The following CNTNAP2 variants were observed in gnomAD, a reference collection of about 807,000 sequenced individuals.
CNTNAP2 encodes the protein contactin associated protein 2.
In CNTNAP2, 98 loss-of-function variants were observed where a neutral mutation model predicts 155.2. The observed-to-expected ratio is 0.63, with a 90% confidence interval of 0.54 to 0.75. The LOEUF (loss-of-function observed/expected upper bound fraction) is 0.75. Ranked by LOEUF, CNTNAP2 falls within the 30% of genes least tolerant of loss-of-function variation. The pLI, the probability that CNTNAP2 is intolerant of heterozygous loss-of-function variation, is 0.00. For synonymous variants in CNTNAP2, 651 were observed against 631.2 expected, an observed-to-expected ratio of 1.03 and a Z score of -0.47; for missense variants, 1,727 against 1,688.1, an observed-to-expected ratio of 1.02 and a Z score of -0.40.
chr7:147,512,035 T>C (rs2116691091), intron 11 of CNTNAP2, among the ~76,000 whole-genome samples: 1 of 152,350 alleles, frequency 6.6e-6, no homozygotes, highest in South Asian at 2.1e-4. Context: ...AGCATTACCT[T>C]GGAAGAGTCT....
intron 1 of CNTNAP2, among the ~76,000 whole-genome samples, chr7:146,232,723 T>A (rs1799406388): frequency 1.3e-5 from 2 of 152,160 alleles, no homozygotes; most frequent in African/African-American, 2.4e-5. Flanking sequence ...AAAAACTTAC[T>A]TACTCTGCAC....
intron 14 of CNTNAP2, among the ~76,000 whole-genome samples, chr7:147,965,293 C>A (rs1563151076): frequency 6.6e-6 from 1 of 152,156 alleles, no homozygotes; most frequent in Non-Finnish European, 1.5e-5. Flanking sequence ...AAATTGATTA[C>A]AGACATATGG....
intron 12 of CNTNAP2, among the ~76,000 whole-genome samples, chr7:147,588,583 T>A (rs1800677266): frequency 6.6e-6 from 1 of 152,174 alleles, no homozygotes. Flanking sequence ...ACCTGTAAAT[T>A]GCTTTTTTCT....
chr7:146,481,214 T>C (rs1322178697), intron 1 of CNTNAP2, among the ~76,000 whole-genome samples: 1 of 152,346 alleles, frequency 6.6e-6, no homozygotes, highest in East Asian at 1.9e-4. Flanking sequence ...AATTTTCATT[T>C]TTTAGTTCTT....
At chr7:147,126,140 A>G (rs1683486984) in intron 6 of CNTNAP2, among the ~76,000 whole-genome samples, 1 of 152,174 alleles carries the variant, frequency 6.6e-6, no homozygotes, top group South Asian at 2.1e-4. Flanking sequence ...GAAGTTGATA[A>G]TTTATTATAT....
intron 1 of CNTNAP2, among the ~76,000 whole-genome samples, chr7:146,336,198 T>TA (rs549458592): frequency 0.051 from 6,165 of 121,530 alleles, 237 homozygotes; most frequent in African/African-American, 0.11. Flanking sequence ...AAACTCCGTC[T>TA]AAAAAAAAAA....
At chr7:146,487,309 G>A (rs1797071955) in intron 1 of CNTNAP2, among the ~76,000 whole-genome samples, 1 of 152,174 alleles carries the variant, frequency 6.6e-6, no homozygotes, top group South Asian at 2.1e-4. Context: ...GGATTTATTT[G>A]TAAATAGGTT....
intron 1 of CNTNAP2, among the ~76,000 whole-genome samples, chr7:146,341,131 C>T (rs992333373): frequency 1.3e-5 from 2 of 152,066 alleles, no homozygotes; most frequent in African/African-American, 2.4e-5. Context: ...TGATACATGT[C>T]CGCATTTTAT....
At chr7:148,059,419 C>T (rs1213906424) in intron 15 of CNTNAP2, among the ~76,000 whole-genome samples, 1 of 151,846 alleles carries the variant, frequency 6.6e-6, no homozygotes, top group African/African-American at 2.4e-5. Flanking sequence ...TGGTGAAACC[C>T]CTTCTCTACT....
chr7:146,763,295 G>T (rs890776100), intron 1 of CNTNAP2, among the ~76,000 whole-genome samples: 3 of 152,070 alleles, frequency 2.0e-5, no homozygotes, highest in African/African-American at 7.2e-5. Flanking sequence ...CCTATGGCTT[G>T]TTCTCTCTTT....
chr7:147,125,295 A>G (rs995836839), intron 6 of CNTNAP2, among the ~76,000 whole-genome samples: 2 of 152,064 alleles, frequency 1.3e-5, no homozygotes, highest in African/African-American at 4.8e-5. Context: ...GATTACAGAC[A>G]TAAGTCACCG....
At chr7:148,352,735 T>A (rs992516612) in intron 21 of CNTNAP2, among the ~76,000 whole-genome samples, 1 of 152,112 alleles carries the variant, frequency 6.6e-6, no homozygotes, top group African/African-American at 2.4e-5. Flanking sequence ...TTGCCCAAGT[T>A]CAACTTTGGA....
intron 21 of CNTNAP2, among the ~76,000 whole-genome samples, chr7:148,355,595 A>G (rs1355304943): frequency 2.0e-5 from 3 of 152,142 alleles, no homozygotes; most frequent in Non-Finnish European, 4.4e-5. Flanking sequence ...TGAACCTAAA[A>G]TGTATAATAT....
intron 4 of CNTNAP2, among the ~76,000 whole-genome samples, chr7:147,074,841 G>A (rs1799965003): frequency 6.6e-6 from 1 of 152,152 alleles, no homozygotes; most frequent in South Asian, 2.1e-4. Context: ...CTTCTGGGGT[G>A]AGATTTCAGA....
chr7:147,356,788 T>C (rs368955222), intron 9 of CNTNAP2, among the ~76,000 whole-genome samples: 2 of 152,108 alleles, frequency 1.3e-5, no homozygotes, highest in African/African-American at 4.8e-5. Context: ...ATAATTCGGA[T>C]TGGTATTTTA....
chr7:146,766,209 A>G (rs1802191565), intron 1 of CNTNAP2, among the ~76,000 whole-genome samples: 1 of 152,234 alleles, frequency 6.6e-6, no homozygotes, highest in South Asian at 2.1e-4. Context: ...TAAATGAAAT[A>G]AAGTTGATGT....
chr7:146,937,980 A>G (rs1796959209), intron 3 of CNTNAP2, among the ~76,000 whole-genome samples: 1 of 152,120 alleles, frequency 6.6e-6, no homozygotes, highest in African/African-American at 2.4e-5. Flanking sequence ...TTGAGACTGT[A>G]TTTTTCTTTC....
intron 1 of CNTNAP2, among the ~76,000 whole-genome samples, chr7:146,261,275 A>G (rs1799915634): frequency 1.3e-5 from 2 of 151,940 alleles, no homozygotes; most frequent in African/African-American, 4.8e-5. Flanking sequence ...AGTTACTGAG[A>G]TTAATATTCA....
chr7:148,036,560 C>T lies in CNTNAP2; in HGVS notation c.2383+58571C>T, dbSNP rs150645156. On this transcript the variant is annotated intron_variant, in intron 15 of 23. Coordinates refer to ENST00000361727, the MANE Select transcript of CNTNAP2 (RefSeq NM_014141.6). ...ACACAGCAAGAAGGCCCTCACAAGA[C>T]ACGGATGCCTTGATCTTGGATGTCC... Among the ~76,000 whole-genome samples, 464 of 152,188 alleles carry T rather than the reference C, an allele frequency of 3.0e-3. 2 individuals are homozygous for T. The highest frequency in any genetic ancestry group is 4.0e-3 in the Non-Finnish European group (272 of 68,006).
Sources: gnomAD v4.1 joint callset for allele counts (sites outside exome capture counted in the v4.1 genomes callset) on GRCh38, gnomAD v4.1.1 for gene constraint, MANE v1.5 for transcripts, NCBI Gene and HGNC (gene_info 2026-07-23, HGNC 2026-07-21) for gene names.